ANKFN1: variants seen among roughly 807,000 people sequenced by gnomAD.
ANKFN1 encodes ankyrin repeat and fibronectin type-III domain-containing protein 1.
A neutral mutation model predicts 108.7 loss-of-function variants in ANKFN1; 74 were observed. The ratio of observed to expected loss-of-function variants is 0.68; its 90% CI spans 0.56 to 0.83. The LOEUF (loss-of-function observed/expected upper bound fraction) is 0.83, where lower values mean the gene tolerates loss of function less well. ANKFN1 is among the 40% of genes least tolerant of loss of function. ANKFN1 has a pLI of 0.00. For missense variants in ANKFN1, 1,505 were observed against 1,382.3 expected, an observed-to-expected ratio of 1.09 and a Z score of -1.41; for synonymous variants, 547 against 516.2, an observed-to-expected ratio of 1.06 and a Z score of -0.81.
In ANKFN1 at chr17:56,374,630, C is replaced by A; in HGVS notation, c.826C>A (p.Leu276Ile). ...RAPEMPTNVCLMVTSSTSLTV... is the reference protein window; with the variant it reads ...RAPEMPTNVCIMVTSSTSLTV... ...CCCTGAGATGCCAACCAATGTCTGT[C>A]TCATGGTAACCAGCAGCACATCACT... The change falls in exon 8 of 21, where the codon CTC becomes ATC. Residue 276 changes from leucine to isoleucine, a missense_variant. Leu to Ile is a conservative substitution (Grantham distance 5, BLOSUM62 2). Coordinates refer to ENST00000682825, the MANE Select transcript of ANKFN1 (RefSeq NM_001370326.1). The A allele has an allele frequency of 3.1e-6, 5 of 1,613,940 alleles. No homozygotes were observed. The highest frequency in any genetic ancestry group is 4.2e-6 in the Non-Finnish European group (5 of 1,179,838).
intron 3 of ANKFN1, among the ~76,000 whole-genome samples, chr17:56,263,215 C>A (rs1053292420): frequency 1.3e-5 from 2 of 152,138 alleles, no homozygotes; most frequent in African/African-American, 4.8e-5. Flanking sequence ...AGCCTGGGTA[C>A]TGGATGTAAA....
At chr17:56,441,435 C>A (rs534768280) in intron 9 of ANKFN1, among the ~76,000 whole-genome samples, 1 of 152,116 alleles carries the variant, frequency 6.6e-6, no homozygotes, top group African/African-American at 2.4e-5. Flanking sequence ...GTAATCACCA[C>A]GGAATCCTGA....
intron 6 of ANKFN1, among the ~76,000 whole-genome samples, chr17:56,366,749 G>A (rs118020861): frequency 1.3e-5 from 2 of 152,212 alleles, no homozygotes; most frequent in African/African-American, 2.4e-5. Context: ...GAGTCTGGCT[G>A]TGTGGTAGGC....
chr17:56,214,708 A>G (rs979561460), intron 2 of ANKFN1, among the ~76,000 whole-genome samples: 7 of 152,084 alleles, frequency 4.6e-5, no homozygotes, highest in African/African-American at 1.7e-4. Flanking sequence ...TGACCTTTCC[A>G]TCACTAATCC....
upstream of ANKFN1, chr17:56,153,404 A>G (rs1908789268): frequency 7.1e-7 from 1 of 1,416,936 alleles, no homozygotes; most frequent in Admixed American, 1.7e-5. Flanking sequence ...CTCCCTGGAT[A>G]AAGCCAGGGT....
At chr17:56,211,990 G>A (rs886615128) in intron 1 of ANKFN1, among the ~76,000 whole-genome samples, 7 of 151,892 alleles carry the variant, frequency 4.6e-5, no homozygotes, top group African/African-American at 1.7e-4. Context: ...CCAGTTCTAG[G>A]AGCTTTCTGG....
intron 4 of ANKFN1, among the ~76,000 whole-genome samples, chr17:56,348,823 A>G (rs940901469): frequency 6.6e-6 from 1 of 152,170 alleles, no homozygotes; most frequent in Non-Finnish European, 1.5e-5. Context: ...ATTGTGGAAG[A>G]CAGTATGGTG....
chr17:56,414,254 A>G (rs1356140421), intron 8 of ANKFN1, among the ~76,000 whole-genome samples: 1 of 152,198 alleles, frequency 6.6e-6, no homozygotes, highest in Non-Finnish European at 1.5e-5. Context: ...GAATAGCTTC[A>G]ATAGGAATGG....
chr17:56,448,070 T>C (rs2049355797), intron 10 of ANKFN1, among the ~76,000 whole-genome samples: 1 of 152,206 alleles, frequency 6.6e-6, no homozygotes, highest in Admixed American at 6.5e-5. Flanking sequence ...GGGAAGGAGT[T>C]TGAAACTTGT....
intron 10 of ANKFN1, among the ~76,000 whole-genome samples, chr17:56,447,333 G>T (rs1453632603): frequency 6.6e-6 from 1 of 152,140 alleles, no homozygotes; most frequent in Non-Finnish European, 1.5e-5. Context: ...TCTACAAAAG[G>T]TACCTGTGCC....
At chr17:56,291,931 G>A (rs910012966) in intron 3 of ANKFN1, among the ~76,000 whole-genome samples, 1 of 152,160 alleles carries the variant, frequency 6.6e-6, no homozygotes, top group Non-Finnish European at 1.5e-5. Flanking sequence ...TAATCCACTA[G>A]GCTACATGTA....
At chr17:56,412,833 A>C (rs950844234) in intron 8 of ANKFN1, among the ~76,000 whole-genome samples, 1 of 152,196 alleles carries the variant, frequency 6.6e-6, no homozygotes, top group Non-Finnish European at 1.5e-5. Context: ...AATACTCCTT[A>C]ATAAACTTCC....
chr17:56,356,569 A>T (rs750765256), intron 6 of ANKFN1, among the ~76,000 whole-genome samples: 2 of 152,198 alleles, frequency 1.3e-5, no homozygotes, highest in Non-Finnish European at 2.9e-5. Context: ...CATGTCAGAG[A>T]CAGTGAAGAT....
chr17:56,191,864 AT>A (rs1181217962), intron 1 of ANKFN1, among the ~76,000 whole-genome samples: 1 of 149,556 alleles, frequency 6.7e-6, no homozygotes, highest in East Asian at 2.0e-4. Flanking sequence ...TCAGACGTAG[AT>A]TTGGTCTTTT....
intron 1 of ANKFN1, among the ~76,000 whole-genome samples, chr17:56,210,746 C>T (rs112291261): frequency 0.16 from 23,619 of 152,040 alleles, 2,900 homozygotes; most frequent in African/African-American, 0.34. Flanking sequence ...ACAATCATGG[C>T]GGAAGGCACC....
intron 8 of ANKFN1, among the ~76,000 whole-genome samples, chr17:56,409,101 T>G (rs1370719484): frequency 6.6e-6 from 1 of 152,028 alleles, no homozygotes; most frequent in Non-Finnish European, 1.5e-5. Flanking sequence ...ATTTTTGTAT[T>G]TTTAGTAAAG....
intron 3 of ANKFN1, among the ~76,000 whole-genome samples, chr17:56,264,898 C>CT (rs35633739): frequency 2.0e-3 from 306 of 151,644 alleles, no homozygotes; most frequent in Middle Eastern, 6.8e-3. Context: ...GGTCTTTTTT[C>CT]TTTTTTTTGG....
intron 3 of ANKFN1, among the ~76,000 whole-genome samples, chr17:56,324,471 G>C (rs2045460644): frequency 6.6e-6 from 1 of 152,146 alleles, no homozygotes; most frequent in South Asian, 2.1e-4. Context: ...CATGGCACGT[G>C]TAACTCATGA....
intron 4 of ANKFN1, among the ~76,000 whole-genome samples, chr17:56,050,132 C>T (rs922928856): frequency 6.6e-6 from 1 of 151,762 alleles, no homozygotes; most frequent in African/African-American, 2.4e-5. Flanking sequence ...TTGCATTTCT[C>T]TGGTGGCCAG....
Sources: allele counts gnomAD v4.1 joint callset (sites outside exome capture counted in the v4.1 genomes callset), GRCh38; gene constraint gnomAD v4.1.1; transcripts MANE v1.5; gene names NCBI Gene and HGNC (gene_info 2026-07-23, HGNC 2026-07-21).